The following ZNF385D variants were observed in gnomAD, a reference collection of about 807,000 sequenced individuals.
ZNF385D encodes the protein zinc finger protein 385D.
Under a neutral mutation model 35.8 loss-of-function variants are expected in ZNF385D, and 15 were observed. That is an observed-to-expected ratio of 0.42 (90% CI 0.28 to 0.64). The LOEUF (loss-of-function observed/expected upper bound fraction) is 0.64, where lower values mean the gene tolerates loss of function less well. Among genes scored for constraint, ZNF385D ranks in the 30% least tolerant of loss-of-function variants. The pLI is 0.23. For missense variants in ZNF385D, 474 were observed against 494.6 expected (o/e 0.96, Z 0.39); for synonymous variants, 212 against 186.8 (o/e 1.13, Z -1.10).
At chr3:21,599,881 T>C (rs2064232214) in intron 2 of ZNF385D, among the ~76,000 whole-genome samples, 1 of 152,204 alleles carries the variant, frequency 6.6e-6, no homozygotes, top group African/African-American at 2.4e-5. Context: ...TGTTGAGACC[T>C]ACTGGGCTGC....
chr3:21,604,300 T>C (rs2064409444), intron 2 of ZNF385D, among the ~76,000 whole-genome samples: 1 of 152,202 alleles, frequency 6.6e-6, no homozygotes. Context: ...AAAAGTGTCC[T>C]AGAGCTCAGA....
At chr3:22,215,503 TC>T (rs1697816511) in intron 2 of ZNF385D, among the ~76,000 whole-genome samples, 1 of 151,978 alleles carries the variant, frequency 6.6e-6, no homozygotes, top group Non-Finnish European at 1.5e-5. Flanking sequence ...AGCCCCAGTC[TC>T]CCATAGTGCT....
chr3:22,264,127 A>G (rs1425765533), intron 2 of ZNF385D, among the ~76,000 whole-genome samples: 1 of 151,960 alleles, frequency 6.6e-6, no homozygotes, highest in Non-Finnish European at 1.5e-5. Context: ...AGGCTGGAAG[A>G]ATTTAACCAT....
chr3:22,357,954 A>C (rs1399238741), intron 2 of ZNF385D, among the ~76,000 whole-genome samples: 4 of 151,910 alleles, frequency 2.6e-5, no homozygotes, highest in African/African-American at 7.2e-5. Flanking sequence ...CAAGCATTCG[A>C]TATGCTATAT....
At chr3:21,483,736 C>T (rs565474750) in intron 4 of ZNF385D, among the ~76,000 whole-genome samples, 1 of 152,210 alleles carries the variant, frequency 6.6e-6, no homozygotes, top group South Asian at 2.1e-4. Context: ...AAAATGTCTG[C>T]TCATGGCTTT....
At chr3:22,141,711 C>T (rs1219286958) in intron 3 of ZNF385D, among the ~76,000 whole-genome samples, 3 of 152,276 alleles carry the variant, frequency 2.0e-5, no homozygotes, top group African/African-American at 7.2e-5. Flanking sequence ...CAGAAATTAG[C>T]TCTGGTGAAC....
At chr3:22,060,614 G>A (rs536722311) in intron 3 of ZNF385D, among the ~76,000 whole-genome samples, 67 of 152,184 alleles carry the variant, frequency 4.4e-4, no homozygotes, top group Admixed American at 3.1e-3. Context: ...TTTCAACAAT[G>A]AATTCATTTT....
chr3:21,567,283 TA>T (rs1486841318), intron 2 of ZNF385D, among the ~76,000 whole-genome samples: 1 of 152,182 alleles, frequency 6.6e-6, no homozygotes, highest in African/African-American at 2.4e-5. Context: ...GGGCCTGCTG[TA>T]GAATAGCGGT....
chr3:21,997,170 A>T (rs544367900), intron 3 of ZNF385D, among the ~76,000 whole-genome samples: 24 of 152,268 alleles, frequency 1.6e-4, no homozygotes, highest in African/African-American at 5.8e-4. Flanking sequence ...ATGCAGCTGT[A>T]AAAAAGGGTG....
chr3:22,040,762 G>A (rs1240985034), intron 3 of ZNF385D, among the ~76,000 whole-genome samples: 2 of 152,080 alleles, frequency 1.3e-5, no homozygotes, highest in African/African-American at 4.8e-5. Flanking sequence ...TAGGATAGAA[G>A]GCTGATAGAA....
chr3:21,881,010 G>A (rs1406575310), intron 3 of ZNF385D, among the ~76,000 whole-genome samples: 1 of 151,970 alleles, frequency 6.6e-6, no homozygotes, highest in Non-Finnish European at 1.5e-5. Flanking sequence ...TGGAAGAAAA[G>A]TCTGAAGCTA....
At chr3:21,708,581 TATTAC>T (rs990540424) in intron 1 of ZNF385D, among the ~76,000 whole-genome samples, 40 of 152,222 alleles carry the variant, frequency 2.6e-4, no homozygotes, top group African/African-American at 8.9e-4. Flanking sequence ...GAAATTACTC[TATTAC>T]ATTACTAAAT....
At position 22,016,892 on chromosome 3, in the gene ZNF385D, T is replaced by TATCTATC. The variant is rs1559851650; in HGVS notation, c.325+151924_325+151925insGATAGAT. On this transcript the variant is annotated intron_variant, in intron 3 of 5. Coordinates refer to the ZNF385D transcript ENST00000494108. The stretch of plus-strand genomic sequence containing the variant: ...AAGATCTAATAAAAGTTTATTGAAT[T>TATCTATC]TATCTATCAATCTATCTATCTATCC... Among the ~76,000 whole-genome samples the TATCTATC allele has an allele frequency of 5.3e-5, 8 of 151,146 alleles. 1 individual carries two copies. The highest frequency in any genetic ancestry group is 2.0e-4 in the Admixed American group (3 of 15,210).
intron 2 of ZNF385D, among the ~76,000 whole-genome samples, chr3:22,170,515 GCTTT>G (rs1422679656): frequency 1.3e-5 from 2 of 152,112 alleles, no homozygotes; most frequent in Non-Finnish European, 2.9e-5. Flanking sequence ...CATAACGCAT[GCTTT>G]CTTTGTGAAC....
intron 2 of ZNF385D, among the ~76,000 whole-genome samples, chr3:22,215,268 G>A (rs931172938): frequency 2.0e-5 from 3 of 152,032 alleles, no homozygotes; most frequent in Non-Finnish European, 4.4e-5. Context: ...TAACAGCAAT[G>A]TTCAAGGAAC....
At chr3:21,981,896 C>T (rs1441231627) in intron 3 of ZNF385D, among the ~76,000 whole-genome samples, 1 of 151,836 alleles carries the variant, frequency 6.6e-6, no homozygotes, top group East Asian at 1.9e-4. Flanking sequence ...TATTTCTGGG[C>T]TTTCTATCCT....
At chr3:21,620,094 T>C (rs1452591762) in intron 2 of ZNF385D, among the ~76,000 whole-genome samples, 2 of 152,188 alleles carry the variant, frequency 1.3e-5, no homozygotes, top group African/African-American at 4.8e-5. Flanking sequence ...ACTGTAGGTA[T>C]TCAAGGGCCC....
chr3:21,687,841 T>C (rs1009675504), intron 1 of ZNF385D, among the ~76,000 whole-genome samples: 1 of 152,140 alleles, frequency 6.6e-6, no homozygotes, highest in Non-Finnish European at 1.5e-5. Flanking sequence ...TGAGAATAGC[T>C]GAATGGCTTA....
At chr3:21,925,577 A>G (rs1684479) in intron 3 of ZNF385D, among the ~76,000 whole-genome samples, 139,170 of 152,030 alleles carry the variant, frequency 0.92, 63,791 homozygotes, top group East Asian at 0.98. Flanking sequence ...AGAGTTCTTG[A>G]GACTTGACCC....
Sources: allele counts gnomAD v4.1 joint callset (sites outside exome capture counted in the v4.1 genomes callset), GRCh38; gene constraint gnomAD v4.1.1; transcripts MANE v1.5; gene names NCBI Gene and HGNC (gene_info 2026-07-23, HGNC 2026-07-21).